NRXN3: variants seen among roughly 807,000 people sequenced by gnomAD.
NRXN3 encodes neurexin III.
NRXN3 carries 32 observed loss-of-function variants against 137.6 expected under a neutral mutation model. The observed-to-expected ratio is 0.23, with a 90% CI of 0.18 to 0.31. The LOEUF (loss-of-function observed/expected upper bound fraction) is 0.31. Among genes scored for constraint, NRXN3 ranks in the 10% least tolerant of loss-of-function variants. NRXN3 has a pLI of 1.00. For synonymous variants in NRXN3, 798 were observed against 784.5 expected (o/e 1.02, Z -0.29); for missense variants, 1,574 against 2,062.5 (o/e 0.76, Z 4.59).
In NRXN3 at chr14:78,879,740, A is replaced by G. The variant is rs113179048; in HGVS notation, c.2275+69396A>G. On this transcript the variant is annotated intron_variant, in intron 10 of 20. Transcript: ENST00000335750. ...CTTGCACTAGACACACTCATTTACAAACTCTATACTTCTACTGTATTCCTA... is the reference window on the plus strand; with the variant it reads ...CTTGCACTAGACACACTCATTTACAGACTCTATACTTCTACTGTATTCCTA... Among the ~76,000 whole-genome samples, 509 of 152,258 alleles carry G rather than the reference A, an allele frequency of 3.3e-3. 2 individuals carry two copies. The highest frequency in any genetic ancestry group is 7.9e-3 in the African/African-American group (329 of 41,556).
intron 4 of NRXN3, among the ~76,000 whole-genome samples, chr14:78,326,766 C>T (rs1025299589): frequency 6.6e-6 from 1 of 152,168 alleles, no homozygotes; most frequent in Admixed American, 6.5e-5. Flanking sequence ...GTGCTATGAT[C>T]TGTTCTAGGT....
intron 4 of NRXN3, among the ~76,000 whole-genome samples, chr14:78,435,530 T>C (rs939822846): frequency 6.6e-6 from 1 of 152,186 alleles, no homozygotes; most frequent in African/African-American, 2.4e-5. Context: ...TTTTCTTTTG[T>C]CTTGATAAAT....
At chr14:79,033,089 T>C (rs934678902) in intron 15 of NRXN3, among the ~76,000 whole-genome samples, 2 of 152,108 alleles carry the variant, frequency 1.3e-5, no homozygotes, top group Non-Finnish European at 2.9e-5. Context: ...GTGTACATGC[T>C]GTTCCCTTTG....
intron 16 of NRXN3, among the ~76,000 whole-genome samples, chr14:79,662,016 A>C (rs1300060645): frequency 6.6e-6 from 1 of 152,090 alleles, no homozygotes; most frequent in African/African-American, 2.4e-5. Context: ...GTGAGTTCTC[A>C]TGATATCTGA....
rs192554014 is a variant in NRXN3, at chr14:79,464,292, T to A, written c.3263-2929T>A. 4.5e-3 allele frequency among the ~76,000 whole-genome samples: 680 copies of A among 152,210 alleles called. 5 individuals carry two copies. The highest frequency in any genetic ancestry group is 0.017 in the South Asian group (84 of 4,818). On this transcript the variant is annotated intron_variant, in intron 15 of 20. Transcript: ENST00000335750. ...TTTTATGCTTTCTTCACCTATAAAGTTAGAATCATCTAACATAGTGACATC... is the reference window on the plus strand; with the variant it reads ...TTTTATGCTTTCTTCACCTATAAAGATAGAATCATCTAACATAGTGACATC...
At chr14:79,460,810 A>G (rs1475654087) in intron 15 of NRXN3, among the ~76,000 whole-genome samples, 1 of 152,196 alleles carries the variant, frequency 6.6e-6, no homozygotes, top group Non-Finnish European at 1.5e-5. Context: ...CAATGTTGTC[A>G]GTTTCTCAGC....
chr14:78,575,414 T>C (rs990908766), intron 4 of NRXN3, among the ~76,000 whole-genome samples: 3 of 152,166 alleles, frequency 2.0e-5, no homozygotes, highest in Non-Finnish European at 2.9e-5. Flanking sequence ...AAAGTCTATT[T>C]GTAGGTCATT....
rs190128106 is a variant in NRXN3, at chr14:78,877,130, G to T, written c.2275+66786G>T. ...ATTGTAGACTTTCCAGAAAGGTGAG[G>T]TTCATTCATTCAATTGCTTCTTGGC... On this transcript the variant is annotated intron_variant, in intron 10 of 20. Transcript: ENST00000335750. Among the ~76,000 whole-genome samples, 699 of 152,272 alleles carry T rather than the reference G, an allele frequency of 4.6e-3. 6 individuals carry two copies. Among genetic ancestry groups the T allele is most frequent in the Middle Eastern group, 0.014 (4 of 294 alleles).
chr14:78,509,983 G>GA (rs1430503362), intron 4 of NRXN3, among the ~76,000 whole-genome samples: 3 of 150,692 alleles, frequency 2.0e-5, no homozygotes, highest in African/African-American at 7.4e-5. Context: ...TATAGGGGAG[G>GA]AAAAAAATGT....
chr14:79,270,775 T>A (rs890949387), intron 15 of NRXN3, among the ~76,000 whole-genome samples: 2 of 152,258 alleles, frequency 1.3e-5, no homozygotes, highest in African/African-American at 4.8e-5. Context: ...ATTGTTATCA[T>A]AATGTTGTTT....
intron 20 of NRXN3, among the ~76,000 whole-genome samples, chr14:79,835,449 G>T (rs977632891): frequency 1.3e-5 from 2 of 152,202 alleles, no homozygotes; most frequent in East Asian, 3.9e-4. Flanking sequence ...TGATATATAA[G>T]AATAATATTT....
Position 79,347,909 on chromosome 14 carries a change from G to A in NRXN3, c.3263-119312G>A, listed in dbSNP as rs547375681. Among the ~76,000 whole-genome samples, 36 of 152,278 alleles carry A rather than the reference G, an allele frequency of 2.4e-4. 2 individuals are homozygous for A. The South Asian group carries it at 6.0e-3, about 25-fold the overall frequency. On this transcript the variant is annotated intron_variant, in intron 15 of 20. Coordinates refer to ENST00000335750, the MANE Select transcript of NRXN3 (RefSeq NM_001330195.2). ...CTGTTCGCAAATCACTTTTGAGAGC[G>A]AAGTGACGATGACATTTTTCTCACT...
At chr14:79,125,053 T>C (rs2056154775) in intron 15 of NRXN3, among the ~76,000 whole-genome samples, 1 of 152,226 alleles carries the variant, frequency 6.6e-6, no homozygotes, top group Admixed American at 6.5e-5. Flanking sequence ...TATACATATG[T>C]ACATAGAAGG....
chr14:79,207,417 G>T (rs1177346448), intron 15 of NRXN3, among the ~76,000 whole-genome samples: 1 of 152,158 alleles, frequency 6.6e-6, no homozygotes, highest in Non-Finnish European at 1.5e-5. Context: ...TAAGACAAAA[G>T]AGACTGAAGT....
chr14:79,167,398 T>G (rs1361286028), intron 15 of NRXN3, among the ~76,000 whole-genome samples: 1 of 151,944 alleles, frequency 6.6e-6, no homozygotes, highest in Non-Finnish European at 1.5e-5. Flanking sequence ...TTATACTCTA[T>G]GTGTCTTCTC....
At chr14:78,512,814 G>A (rs549030424) in intron 4 of NRXN3, among the ~76,000 whole-genome samples, 15 of 152,188 alleles carry the variant, frequency 9.9e-5, no homozygotes, top group Non-Finnish European at 2.1e-4. Context: ...AAGGTAGGAA[G>A]AGTTTGAAGC....
intron 15 of NRXN3, among the ~76,000 whole-genome samples, chr14:79,050,742 C>T (rs2099640638): frequency 6.6e-6 from 1 of 152,184 alleles, no homozygotes; most frequent in Non-Finnish European, 1.5e-5. Context: ...TCCCAGCTCC[C>T]CTGACTGCCG....
chr14:78,989,785 G>A (rs111915312), intron 15 of NRXN3, among the ~76,000 whole-genome samples: 1,733 of 152,098 alleles, frequency 0.011, 23 homozygotes, highest in African/African-American at 0.036. Context: ...ATTTCTTGTC[G>A]CATATACGTC....
intron 15 of NRXN3, among the ~76,000 whole-genome samples, chr14:79,372,862 T>C (rs1044681034): frequency 7.2e-5 from 11 of 152,156 alleles, no homozygotes; most frequent in African/African-American, 2.7e-4. Context: ...ATTTTTATCG[T>C]GCATATCACA....
Sources: gnomAD v4.1 joint callset for allele counts (sites outside exome capture counted in the v4.1 genomes callset) on GRCh38, gnomAD v4.1.1 for gene constraint, MANE v1.5 for transcripts, NCBI Gene and HGNC (gene_info 2026-07-23, HGNC 2026-07-21) for gene names.